Variants in FHIP1A observed in about 807,000 individuals in gnomAD.
The protein encoded by FHIP1A is FHF complex subunit HOOK-interacting protein 1A.
A neutral mutation model predicts 88.6 loss-of-function variants in FHIP1A; 61 were observed. The observed-to-expected ratio is 0.69, with a 90% CI of 0.56 to 0.85. The LOEUF is 0.85. FHIP1A is among the 40% of genes least tolerant of loss of function. The probability of loss-of-function intolerance (pLI) is 0.00; values close to 1 mark genes in which losing one functional copy is unlikely to be tolerated. For synonymous variants in FHIP1A, 478 were observed against 496.0 expected, an observed-to-expected ratio of 0.96 and a Z score of 0.48; for missense variants, 1,154 against 1,273.5, an observed-to-expected ratio of 0.91 and a Z score of 1.43.
chr4:151,634,889 CAGAT>C (rs1435409119), intron 8 of FHIP1A, among the ~76,000 whole-genome samples: 3 of 151,650 alleles, frequency 2.0e-5, no homozygotes, highest in African/African-American at 7.3e-5. Flanking sequence ...AAAAATAAGA[CAGAT>C]GGGAGTACAT....
Position 151,650,625 on chromosome 4 carries a change from T to A in FHIP1A, c.2551+33T>A, listed in dbSNP as rs541163941. 4 of 1,519,606 alleles carry A rather than the reference T, an allele frequency of 2.6e-6. No individual in the cohort carries two copies. In the Admixed American group the frequency reaches 6.4e-5, roughly 24 times the overall value. The allele number at this position is 1,519,606 out of a possible 1,614,324, so 94.1% of individuals were successfully genotyped here. ...TCTTAAATTGCTTTGTGGTTTCTGC[T>A]TTCGAAAGTACTTGTATATATTGGA... is the stretch of plus-strand genomic sequence containing the variant. On this transcript the variant is annotated intron_variant, in intron 11 of 13. Transcript: ENST00000435205.
chr4:151,415,240 G>A (rs1732843627), intron 1 of FHIP1A, among the ~76,000 whole-genome samples: 2 of 150,630 alleles, frequency 1.3e-5, no homozygotes, highest in African/African-American at 4.9e-5. Flanking sequence ...AGGCTGGAGT[G>A]CAGTGGTGCA....
intron 1 of FHIP1A, among the ~76,000 whole-genome samples, chr4:151,443,460 C>T (rs1175867297): frequency 6.6e-6 from 1 of 152,038 alleles, no homozygotes. Flanking sequence ...CTTTGAAGTA[C>T]AGTACTCTTT....
At chr4:151,562,476 A>T (rs1417695721) in intron 3 of FHIP1A, among the ~76,000 whole-genome samples, 1 of 152,008 alleles carries the variant, frequency 6.6e-6, no homozygotes, top group Non-Finnish European at 1.5e-5. Context: ...CAAATTATCC[A>T]TGTTCATTGG....
chr4:151,647,192 CA>C (rs1736830708), intron 10 of FHIP1A, among the ~76,000 whole-genome samples: 1 of 152,100 alleles, frequency 6.6e-6, no homozygotes, highest in East Asian at 1.9e-4. Flanking sequence ...GATATGACAG[CA>C]AAATTGCATG....
At chr4:151,490,685 A>T (rs1730250656) in intron 3 of FHIP1A, among the ~76,000 whole-genome samples, 1 of 152,216 alleles carries the variant, frequency 6.6e-6, no homozygotes. Flanking sequence ...CAGAAGGTTG[A>T]TTATTAATCT....
intron 3 of FHIP1A, among the ~76,000 whole-genome samples, chr4:151,521,135 T>C (rs1354527571): frequency 1.3e-5 from 2 of 152,210 alleles, no homozygotes; most frequent in African/African-American, 4.8e-5. Flanking sequence ...TTTTATTTTA[T>C]GTGTGTATAA....
At chr4:151,658,784 A>G (rs1207207892) in intron 13 of FHIP1A, among the ~76,000 whole-genome samples, 1 of 152,158 alleles carries the variant, frequency 6.6e-6, no homozygotes, top group African/African-American at 2.4e-5. Context: ...GTCAATTTTC[A>G]TTATCAAACA....
intron 3 of FHIP1A, among the ~76,000 whole-genome samples, chr4:151,523,224 T>C (rs548700861): frequency 6.6e-6 from 1 of 152,300 alleles, no homozygotes; most frequent in East Asian, 1.9e-4. Flanking sequence ...AATTAATGTA[T>C]ATTTCAGGGT....
chr4:151,598,459 C>T (rs1734736839), intron 7 of FHIP1A, among the ~76,000 whole-genome samples: 1 of 152,148 alleles, frequency 6.6e-6, no homozygotes, highest in Non-Finnish European at 1.5e-5. Context: ...GTGCTGCAGA[C>T]TGGAGTAGTT....
intron 7 of FHIP1A, among the ~76,000 whole-genome samples, chr4:151,604,391 G>T (rs768579958): frequency 2.0e-5 from 3 of 152,030 alleles, no homozygotes; most frequent in Non-Finnish European, 4.4e-5. Flanking sequence ...AAGGAGCCCT[G>T]GGGCTTTTCA....
At chr4:151,420,367 T>C (rs1375085724) in intron 1 of FHIP1A, among the ~76,000 whole-genome samples, 1 of 148,368 alleles carries the variant, frequency 6.7e-6, no homozygotes, top group Non-Finnish European at 1.5e-5. Context: ...CTTCATGTGT[T>C]TTTTGGCTGC....
chr4:151,519,307 G>A (rs1731369300), intron 3 of FHIP1A, among the ~76,000 whole-genome samples: 1 of 152,008 alleles, frequency 6.6e-6, no homozygotes, highest in African/African-American at 2.4e-5. Context: ...AGTTTTGCTT[G>A]TTCTATGATT....
At chr4:151,506,963 C>A (rs967831645) in intron 3 of FHIP1A, among the ~76,000 whole-genome samples, 1 of 152,116 alleles carries the variant, frequency 6.6e-6, no homozygotes, top group Non-Finnish European at 1.5e-5. Flanking sequence ...AAAAATAAAT[C>A]AAATATGACA....
chr4:151,643,275 C>T (rs892552568), intron 9 of FHIP1A, among the ~76,000 whole-genome samples: 2 of 151,874 alleles, frequency 1.3e-5, no homozygotes, highest in Non-Finnish European at 2.9e-5. Context: ...CTGGGATGAT[C>T]CTTCATTTTA....
At chr4:151,584,823 A>G (rs1734146791) in intron 5 of FHIP1A, among the ~76,000 whole-genome samples, 1 of 151,942 alleles carries the variant, frequency 6.6e-6, no homozygotes, top group Non-Finnish European at 1.5e-5. Context: ...GAGCTTTTGT[A>G]TATGCTGTTT....
chr4:151,470,735 G>A (rs866310566), intron 2 of FHIP1A, among the ~76,000 whole-genome samples: 3 of 152,308 alleles, frequency 2.0e-5, no homozygotes, highest in Middle Eastern at 3.4e-3. Flanking sequence ...AGTCTAGCTA[G>A]TGAAACCTGA....
At position 151,670,059 on chromosome 4, in the gene FHIP1A, C is replaced by T. The variant is rs1286088000; in HGVS notation, c.*7305C>T. ...CAGGTTCACAGCTTCAAATCAAGGCCTCCAAGGATTTTATTCTCTTACATC... is the reference window on the plus strand; with the variant it reads ...CAGGTTCACAGCTTCAAATCAAGGCTTCCAAGGATTTTATTCTCTTACATC... On this transcript the variant is annotated 3_prime_UTR_variant, in exon 14 of 14. Transcript: ENST00000435205. 1 of 152,194 alleles carries T rather than the reference C, an allele frequency of 6.6e-6. No individual in the cohort carries two copies. Among genetic ancestry groups the T allele is most frequent in the East Asian group, 1.9e-4 (1 of 5,196 alleles). The allele number at this position is 152,194 out of a possible 1,614,324, so 9.4% of individuals were successfully genotyped here.
intron 2 of FHIP1A, among the ~76,000 whole-genome samples, chr4:151,480,597 A>C (rs1729858689): frequency 6.6e-6 from 1 of 152,032 alleles, no homozygotes; most frequent in Non-Finnish European, 1.5e-5. Flanking sequence ...CTTGCGATTA[A>C]ATGGCCAGAT....
Sources: allele counts gnomAD v4.1 joint callset (sites outside exome capture counted in the v4.1 genomes callset), GRCh38; gene constraint gnomAD v4.1.1; transcripts MANE v1.5; gene names NCBI Gene and HGNC (gene_info 2026-07-23, HGNC 2026-07-21).